The following GDF6 variants were observed in gnomAD, a reference collection of about 807,000 sequenced individuals.
The protein encoded by GDF6 is growth differentiation factor 6.
In GDF6, 3 loss-of-function variants were observed where a neutral mutation model predicts 32.4. The observed-to-expected ratio is 0.09, with a 90% CI of 0.04 to 0.24. GDF6 has a LOEUF of 0.24. GDF6 is among the 10% of genes least tolerant of loss of function. The pLI is 1.00. For synonymous variants in GDF6, 296 were observed against 295.3 expected (o/e 1.00, Z -0.03); for missense variants, 589 against 637.9 (o/e 0.92, Z 0.83).
chr8:96,142,830 CCTTT>C lies in GDF6; in HGVS notation c.*1729_*1732del, dbSNP rs1345287649. ...TATTAGCATTTCTTATCATCCCCAC[CCTTT>C]CTTTGACAGTTTGTAGTTCTCTGAA... On this transcript the variant is annotated 3_prime_UTR_variant, in exon 2 of 2. Coordinates refer to ENST00000287020, the MANE Select transcript of GDF6 (RefSeq NM_001001557.4). 3 of 152,270 alleles carry C rather than the reference CCTTT, an allele frequency of 2.0e-5. No homozygotes were observed. Among genetic ancestry groups the C allele is most frequent in the African/African-American group, 7.2e-5 (3 of 41,408 alleles). 9.4% of individuals were successfully genotyped at this position (152,270 alleles called of 1,614,324 possible).
At position 96,145,182 on chromosome 8, in the gene GDF6, C is replaced by G. The variant is rs764642726; in HGVS notation, c.749G>C (p.Arg250Pro). The G allele has an allele frequency of 2.7e-6, 4 of 1,492,086 alleles. No homozygotes were observed. The Admixed American group carries it at 6.5e-5, about 24-fold the overall frequency. The allele number at this position is 1,492,086 out of a possible 1,614,324, so 92.4% of individuals were successfully genotyped here. Residue 250 changes from arginine to proline, a missense_variant, in exon 2 of 2, where the codon CGG (arginine) becomes CCG (proline). This residue lies in a region of GDF6 where 436 missense variants were observed against 411.2 expected (regional missense o/e 1.06). Transcript: ENST00000287020. The surrounding 1 kb of genome is among the most constrained non-coding windows in gnomAD (Gnocchi z 5.6). ...LDAGEAEARA[R>P]GPQQPPPPDL... Reference sequence around the variant, plus strand: ...CGGGGGCGGCGGTTGCTGGGGTCCCCGCGCGCGCGCCTCGGCCTCCCCGGC... The same window carrying G: ...CGGGGGCGGCGGTTGCTGGGGTCCCGGCGCGCGCGCCTCGGCCTCCCCGGC...
chr8:96,146,707 CAGAG>C (rs1554571546), intron 1 of GDF6, among the ~76,000 whole-genome samples: 1 of 139,912 alleles, frequency 7.1e-6, no homozygotes, highest in African/African-American at 2.9e-5. Flanking sequence ...CACACACACA[CAGAG>C]AGAGAGAGAG....
At chr8:96,157,684 G>A (rs1258186442) in intron 1 of GDF6, among the ~76,000 whole-genome samples, 1 of 152,210 alleles carries the variant, frequency 6.6e-6, no homozygotes, top group African/African-American at 2.4e-5. Flanking sequence ...AGCCCCACGT[G>A]AGAGGGGCGG....
Position 96,160,764 on chromosome 8 carries a change from G to A in GDF6, c.-72C>T. 2 of 1,515,264 alleles carry A rather than the reference G, an allele frequency of 1.3e-6. No homozygotes were observed. Among genetic ancestry groups the A allele is most frequent in the Non-Finnish European group, 1.8e-6 (2 of 1,106,220 alleles). 93.9% of individuals were successfully genotyped at this position (1,515,264 alleles called of 1,614,324 possible). ...AGGACGCGCGGGGCACGGAGCGGCT[G>A]GACAGCGGCCGGGGCCCGGCTCCTC... On this transcript the variant is annotated 5_prime_UTR_variant, in exon 1 of 2. Coordinates refer to ENST00000287020, the MANE Select transcript of GDF6 (RefSeq NM_001001557.4).
At position 96,145,387 on chromosome 8, in the gene GDF6, C is replaced by T. The variant is rs767572263; in HGVS notation, c.544G>A (p.Gly182Arg). The change falls in exon 2 of 2, where the codon GGG (glycine) becomes AGG (arginine). Residue 182 changes from glycine (G) to arginine (R), a missense_variant. This residue lies in a region of GDF6 where 436 missense variants were observed against 411.2 expected (regional missense o/e 1.06). Transcript: ENST00000287020. This position sits in a 1 kb window ranked among gnomAD's most constrained non-coding sequence, Gnocchi z 5.6. ...APSAPWGPPAGPLHVQLFPCL... is the reference protein window; with the variant it reads ...APSAPWGPPARPLHVQLFPCL... ...GGGAAGAGCTGCACGTGGAGCGGCC[C>T]GGCTGGTGGCCCCCAGGGCGCTGAG... The T allele has an allele frequency of 1.3e-6, 2 of 1,574,518 alleles. No homozygotes were observed.
intron 1 of GDF6, among the ~76,000 whole-genome samples, chr8:96,156,108 C>G (rs967493487): frequency 6.6e-6 from 1 of 152,222 alleles, no homozygotes; most frequent in African/African-American, 2.4e-5. Flanking sequence ...TCTAGGGCAT[C>G]AAGTTCTTCA....
chr8:96,157,669 T>C (rs1434886142), intron 1 of GDF6, among the ~76,000 whole-genome samples: 1 of 152,034 alleles, frequency 6.6e-6, no homozygotes, highest in Non-Finnish European at 1.5e-5. Context: ...GTTGGCGCGG[T>C]TAAGAGCCCC....
chr8:96,144,242 AATAGAGAGAGAG>A lies in GDF6; in HGVS notation c.*309_*320del, dbSNP rs1397356247. 22 of 190,112 alleles carry A rather than the reference AATAGAGAGAGAG, an allele frequency of 1.2e-4. No individual in the cohort carries two copies. Among genetic ancestry groups the A allele is most frequent in the African/African-American group, 7.4e-4 (13 of 17,486 alleles). 11.8% of individuals were successfully genotyped at this position (190,112 alleles called of 1,614,324 possible). On this transcript the variant is annotated 3_prime_UTR_variant, in exon 2 of 2. Transcript: ENST00000287020. The surrounding 1 kb of genome is among the most constrained non-coding windows in gnomAD (Gnocchi z 5.1). The stretch of plus-strand genomic sequence containing the variant: ...ACATAAGGAAATCCAAAGCCACAGT[AATAGAGAGAGAG>A]AGAGAGAGAGAGAGAGAGAGAGAGA...
Position 96,143,386 on chromosome 8 carries a change from C to T in GDF6, c.*1177G>A, listed in dbSNP as rs1246407455. On this transcript the variant is annotated 3_prime_UTR_variant, in exon 2 of 2. Coordinates refer to ENST00000287020, the MANE Select transcript of GDF6 (RefSeq NM_001001557.4). ...GGACTTGTGTCCCCTTTCATCCCTC[C>T]CTTCCCCACTCCTGGCTCCTGGCCT... 6.6e-6 allele frequency: 1 copy of T among 152,634 alleles called. No individual in the cohort carries two copies. Among genetic ancestry groups the T allele is most frequent in the Non-Finnish European group, 1.5e-5 (1 of 68,054 alleles). 9.5% of individuals were successfully genotyped at this position (152,634 alleles called of 1,614,324 possible). A position where few individuals can be genotyped will look rare whatever the true frequency, so the allele number is the denominator to read the frequency against.
Position 96,145,347 on chromosome 8 carries a change from AG to A in GDF6, c.583del (p.Leu195TyrfsTer167). ...GTCCAGGGTCCGCGCGTCCAGCAGT[AG>A]GGGCGAAAGGCAAGGGAAGAGCTGC... ...HVQLFPCLSP[L>X]LLDARTLDPQ... On this transcript the variant is annotated frameshift_variant, in exon 2 of 2. Transcript: ENST00000287020. LOFTEE classifies it high-confidence loss of function. This position sits in a 1 kb window ranked among gnomAD's most constrained non-coding sequence, Gnocchi z 5.6. The A allele has an allele frequency of 1.3e-6, 2 of 1,546,832 alleles. No individual in the cohort carries two copies. The highest frequency in any genetic ancestry group is 1.7e-6 in the Non-Finnish European group (2 of 1,152,878).
chr8:96,155,038 G>A (rs369218135), intron 1 of GDF6, among the ~76,000 whole-genome samples: 13 of 152,300 alleles, frequency 8.5e-5, no homozygotes, highest in African/African-American at 3.1e-4. Context: ...GTGGAGAAGA[G>A]GGATTCGCCA....
At chr8:96,153,690 G>T (rs971577572) in intron 1 of GDF6, among the ~76,000 whole-genome samples, 2 of 152,192 alleles carry the variant, frequency 1.3e-5, no homozygotes, top group African/African-American at 4.8e-5. Flanking sequence ...AGAAGGAAGG[G>T]TGTTCATTTT....
At position 96,160,330 on chromosome 8, in the gene GDF6, G is replaced by A. The variant is rs1420918653; in HGVS notation, c.363C>T (p.Ser121=). The A allele has an allele frequency of 2.5e-6, 4 of 1,614,242 alleles. No homozygotes were observed. The Admixed American group carries it at 5.0e-5, about 20-fold the overall frequency. Reference sequence around the variant, plus strand: ...AGCTGGTGATCGTATTAGCCGACTTGGAAGACTGGAAAAAGCTGGCATTGA... The same window carrying A: ...AGCTGGTGATCGTATTAGCCGACTTAGAAGACTGGAAAAAGCTGGCATTGA... The part of the protein sequence containing the change: ...LGINASFFQS[S]KSANTITSFV... Residue 121 remains serine, a synonymous_variant, in exon 1 of 2, where the codon TCC becomes TCT. Coordinates refer to ENST00000287020, the MANE Select transcript of GDF6 (RefSeq NM_001001557.4).
chr8:96,145,572 CA>C lies in GDF6; in HGVS notation c.407-49del. 1 of 1,596,084 alleles carries C rather than the reference CA, an allele frequency of 6.3e-7. No homozygotes were observed. ...AGTCAGTTTCACTTAAGGGGGAGAT[CA>C]GCCCGGTGCTCTTCGGCCGCCCCGG... On this transcript the variant is annotated intron_variant, in intron 1 of 1. Coordinates refer to ENST00000287020, the MANE Select transcript of GDF6 (RefSeq NM_001001557.4). This position sits in a 1 kb window ranked among gnomAD's most constrained non-coding sequence, Gnocchi z 5.6.
In GDF6 at chr8:96,145,820, G is replaced by C. The variant is rs944736384; in HGVS notation, c.407-296C>G. On this transcript the variant is annotated intron_variant, in intron 1 of 1. Transcript: ENST00000287020. This position sits in a 1 kb window ranked among gnomAD's most constrained non-coding sequence, Gnocchi z 5.6. ...GCCTACCGGGTTTTCCCCCCAAAAG[G>C]CTTCGTAACCACTAATGTGCCCTTT... 4.6e-5 allele frequency among the ~76,000 whole-genome samples: 7 copies of C among 152,150 alleles called. No individual in the cohort carries two copies. The highest frequency in any genetic ancestry group is 1.4e-4 in the African/African-American group (6 of 41,448).
Position 96,143,802 on chromosome 8 carries a change from G to A in GDF6, c.*761C>T, listed in dbSNP as rs1385146182. 6.5e-6 allele frequency: 1 copy of A among 153,090 alleles called. No homozygotes were observed. The highest frequency in any genetic ancestry group is 1.5e-5 in the Non-Finnish European group (1 of 68,452). 9.5% of individuals were successfully genotyped at this position (153,090 alleles called of 1,614,324 possible). ...CCCACCAGAAAAAGCAACAATGAAG[G>A]CAGAGACCTGGGCCCTCAGGAGTGA... On this transcript the variant is annotated 3_prime_UTR_variant, in exon 2 of 2. Coordinates refer to ENST00000287020, the MANE Select transcript of GDF6 (RefSeq NM_001001557.4).
Position 96,143,572 on chromosome 8 carries a change from A to G in GDF6, c.*991T>C, listed in dbSNP as rs531321032. 2 of 152,764 alleles carry G rather than the reference A, an allele frequency of 1.3e-5. No homozygotes were observed. The highest frequency in any genetic ancestry group is 4.8e-5 in the African/African-American group (2 of 41,564). 9.5% of individuals were successfully genotyped at this position (152,764 alleles called of 1,614,324 possible). ...AACTGGAAAATCACCTTCCCCTTAG[A>G]AGTGCATGTCTGAATTTTGGCAAAT... On this transcript the variant is annotated 3_prime_UTR_variant, in exon 2 of 2. Transcript: ENST00000287020.
Position 96,160,490 on chromosome 8 carries a change from T to G in GDF6, c.203A>C (p.Gln68Pro). 6.2e-7 allele frequency: 1 copy of G among 1,612,744 alleles called. No individual in the cohort carries two copies. Among genetic ancestry groups the G allele is most frequent in the Non-Finnish European group, 8.5e-7 (1 of 1,179,340 alleles). ...CCGGGGTTCGTCCTGAGGCCGCGGC[T>G]GTGGTTCCTGGCCCTCCCGGCCCGC... ...SDAGREGQEP[Q>P]PRPQDEPRAQ... The change falls in exon 1 of 2, where the codon CAG (glutamine) becomes CCG (proline). Residue 68 changes from glutamine (Q) to proline (P), a missense_variant. By Grantham distance (76) the Gln-to-Pro change is moderately conservative. Coordinates refer to ENST00000287020, the MANE Select transcript of GDF6 (RefSeq NM_001001557.4).
At chr8:96,159,582 C>T (rs547476885) in intron 1 of GDF6, among the ~76,000 whole-genome samples, 1 of 152,390 alleles carries the variant, frequency 6.6e-6, no homozygotes, top group African/African-American at 2.4e-5. Flanking sequence ...AACCTCCGAA[C>T]TTAGCCGTCC....
Sources: gnomAD v4.1 joint callset for allele counts (sites outside exome capture counted in the v4.1 genomes callset) on GRCh38, gnomAD v4.1.1 for gene constraint, gnomAD v4.1.1 regional missense constraint, Gnocchi (gnomAD v3.1) non-coding constraint, MANE v1.5 for transcripts, NCBI Gene and HGNC (gene_info 2026-07-23, HGNC 2026-07-21) for gene names.